FAM186A: variants seen among roughly 807,000 people sequenced by gnomAD.
FAM186A encodes the protein family with sequence similarity 186 member A, also known as protein FAM186A.
Under a neutral mutation model 216.8 loss-of-function variants are expected in FAM186A, and 163 were observed. The observed-to-expected ratio is 0.75, with a 90% CI of 0.66 to 0.86. FAM186A has a LOEUF of 0.86. Ranked by LOEUF, FAM186A falls within the 40% of genes least tolerant of loss-of-function variation. FAM186A has a pLI of 0.00. For missense variants in FAM186A, 2,184 were observed against 2,746.2 expected (o/e 0.80, Z 4.58); for synonymous variants, 805 against 1,025.3 (o/e 0.79, Z 4.10).
intron 4 of FAM186A, among the ~76,000 whole-genome samples, chr12:50,347,243 C>T (rs1592604567): frequency 6.6e-6 from 1 of 152,032 alleles, no homozygotes; most frequent in Non-Finnish European, 1.5e-5. Flanking sequence ...GGTTACTATG[C>T]CAGAGGAAAA....
chr12:50,364,607 A>G (rs954701059), intron 1 of FAM186A, among the ~76,000 whole-genome samples: 16 of 151,434 alleles, frequency 1.1e-4, no homozygotes, highest in African/African-American at 3.6e-4. Flanking sequence ...AAATAATATA[A>G]AATATAAACA....
Position 50,351,117 on chromosome 12 carries a change from G to C in FAM186A, c.5715C>G (p.Thr1905=). 6.4e-7 allele frequency: 1 copy of C among 1,551,522 alleles called. No individual in the cohort carries two copies. The highest frequency in any genetic ancestry group is 8.7e-7 in the Non-Finnish European group (1 of 1,146,970). Residue 1905 remains threonine (T), a synonymous_variant, in exon 4 of 8, where the codon ACC becomes ACG. Transcript: ENST00000327337. ...EQSPYLQAPS[T]PGQHLATWTL... ...TCCATGTTGCCAGATGCTGCCCAGG[G>C]GTAGAAGGAGCCTGCAGATAGGGAG...
intron 3 of FAM186A, among the ~76,000 whole-genome samples, chr12:50,358,729 C>T (rs1260349206): frequency 2.0e-5 from 3 of 151,584 alleles, no homozygotes; most frequent in African/African-American, 7.3e-5. Context: ...TCAAGATCAG[C>T]CTGGCCAAGA....
At chr12:50,329,165 G>T (rs919424825) in intron 7 of FAM186A, among the ~76,000 whole-genome samples, 2 of 152,038 alleles carry the variant, frequency 1.3e-5, no homozygotes, top group African/African-American at 4.8e-5. Flanking sequence ...CTGGAAATAA[G>T]AGTCTGCAGG....
chr12:50,349,609 T>C (rs2138771815), intron 4 of FAM186A, among the ~76,000 whole-genome samples: 1 of 151,390 alleles, frequency 6.6e-6, no homozygotes, highest in Middle Eastern at 3.4e-3. Context: ...TAATGACCTC[T>C]AGTTCCATTC....
chr12:50,366,083 G>A (rs902791588), intron 1 of FAM186A: 6 of 704,710 alleles, frequency 8.5e-6, no homozygotes, highest in South Asian at 1.5e-5. Flanking sequence ...AGAAGATGTA[G>A]GAATAAAGTA....
At chr12:50,364,735 C>G (rs578061009) in intron 1 of FAM186A, among the ~76,000 whole-genome samples, 15 of 151,786 alleles carry the variant, frequency 9.9e-5, no homozygotes, top group Admixed American at 4.6e-4. Context: ...GATCCTGCCT[C>G]TAAAAAATAA....
chr12:50,365,583 T>G, intron 1 of FAM186A: 1 of 476,464 alleles, frequency 2.1e-6, no homozygotes. Flanking sequence ...ACAGTCCGTA[T>G]AATAAGAGTA....
chr12:50,357,017 CAT>C (rs1438111130), intron 3 of FAM186A, among the ~76,000 whole-genome samples: 4 of 150,186 alleles, frequency 2.7e-5, no homozygotes, highest in Non-Finnish European at 5.9e-5. Flanking sequence ...TACATACATA[CAT>C]ACATACATAC....
At chr12:50,383,641 C>T (rs535592937) in intron 1 of FAM186A, among the ~76,000 whole-genome samples, 1 of 152,108 alleles carries the variant, frequency 6.6e-6, no homozygotes, top group South Asian at 2.1e-4. Flanking sequence ...ACCTTTATCC[C>T]TACATTCCCC....
In FAM186A at chr12:50,376,454, G is replaced by T. The variant is rs146792224; in HGVS notation, c.193-13090C>A. 3.9e-5 allele frequency among the ~76,000 whole-genome samples: 6 copies of T among 152,272 alleles called. No individual in the cohort carries two copies. In the East Asian group the frequency reaches 1.2e-3, roughly 29 times the overall value. ...GGGTAGAGGAGACTTGAAGTGGGTA[G>T]CTGCTATCCAAAGGCAGGTAGGCCT... On this transcript the variant is annotated intron_variant, in intron 1 of 7. Transcript: ENST00000327337.
chr12:50,378,064 A>T (rs1236517704), intron 1 of FAM186A, among the ~76,000 whole-genome samples: 1 of 152,060 alleles, frequency 6.6e-6, no homozygotes. Flanking sequence ...TGTCTCTACT[A>T]AAAATACAAA....
rs1287929196 is a variant in FAM186A at position 50,363,075 on chromosome 12, T to G, written c.412+70A>C. ...TTTAATCTGATTAATCCTTCAAAAT[T>G]TACTTATATATTCTCTTCTCTTTTT... On this transcript the variant is annotated intron_variant, in intron 2 of 7. Transcript: ENST00000327337. The G allele has an allele frequency of 2.4e-6, 3 of 1,270,248 alleles. No homozygotes were observed. In the African/African-American group the frequency reaches 4.5e-5, roughly 19 times the overall value. 78.7% of individuals were successfully genotyped at this position (1,270,248 alleles called of 1,614,324 possible). A position where few individuals can be genotyped will look rare whatever the true frequency, so the allele number is the denominator to read the frequency against.
chr12:50,353,209 G>A lies in FAM186A; in HGVS notation c.3623C>T (p.Thr1208Ile). 1.4e-6 allele frequency: 2 copies of A among 1,453,710 alleles called. No individual in the cohort carries two copies. Among genetic ancestry groups the A allele is most frequent in the Non-Finnish European group, 9.2e-7 (1 of 1,090,968 alleles). The allele number at this position is 1,453,710 out of a possible 1,614,324, so 90.1% of individuals were successfully genotyped here. Residue 1208 changes from threonine to isoleucine, a missense_variant, in exon 4 of 8, where the codon ACC becomes ATC. This residue lies in a region of FAM186A where 267 missense variants were observed against 446.2 expected (regional missense o/e 0.60). Transcript: ENST00000327337. ...QQAQALRVSL[T>I]PQQAQELGIP... ...CCCCAATTCCTGAGCCTGCTGAGGG[G>A]TGAGAGAGACCCTCAGGGCCTGGGC...
At chr12:50,329,401 C>T (rs1032190015) in intron 7 of FAM186A, among the ~76,000 whole-genome samples, 12 of 152,088 alleles carry the variant, frequency 7.9e-5, no homozygotes, top group Admixed American at 3.3e-4. Flanking sequence ...TGATTATAAC[C>T]TAAGAGTCAT....
intron 1 of FAM186A, among the ~76,000 whole-genome samples, chr12:50,372,473 A>C (rs1362403686): frequency 6.6e-6 from 1 of 151,944 alleles, no homozygotes; most frequent in Non-Finnish European, 1.5e-5. Context: ...GGGCACCTGT[A>C]ATCCCAGCTA....
At chr12:50,377,968 C>T (rs1483860901) in intron 1 of FAM186A, among the ~76,000 whole-genome samples, 4 of 151,000 alleles carry the variant, frequency 2.6e-5, no homozygotes, top group South Asian at 2.1e-4. Flanking sequence ...CTCATGCCTG[C>T]TCATCCCAGC....
At chr12:50,329,848 G>A (rs532837109) in intron 7 of FAM186A, among the ~76,000 whole-genome samples, 13 of 152,110 alleles carry the variant, frequency 8.5e-5, no homozygotes, top group South Asian at 4.2e-4. Flanking sequence ...CACCCGCCTC[G>A]GCCTCCCAAA....
chr12:50,385,476 C>G (rs1040402311), intron 1 of FAM186A, among the ~76,000 whole-genome samples: 2 of 150,998 alleles, frequency 1.3e-5, no homozygotes, highest in Admixed American at 6.6e-5. Flanking sequence ...GGAAAAGTTC[C>G]ATGACATTGT....
Sources: allele counts gnomAD v4.1 joint callset (sites outside exome capture counted in the v4.1 genomes callset), GRCh38; gene constraint gnomAD v4.1.1; regional missense constraint gnomAD v4.1.1; transcripts MANE v1.5; gene names NCBI Gene and HGNC (gene_info 2026-07-23, HGNC 2026-07-21).